Variants in HDLBP observed in about 807,000 individuals in gnomAD.
HDLBP encodes high density lipoprotein binding protein.
A neutral mutation model predicts 137.3 loss-of-function variants in HDLBP; 30 were observed. The ratio of observed to expected loss-of-function variants is 0.22; its 90% CI spans 0.16 to 0.30. The LOEUF is 0.30. Among genes scored for constraint, HDLBP ranks in the 10% least tolerant of loss-of-function variants. HDLBP has a pLI of 1.00. For missense variants in HDLBP, 1,119 were observed against 1,667.3 expected (o/e 0.67, Z 5.73); for synonymous variants, 606 against 596.0 (o/e 1.02, Z -0.24).
At chr2:241,296,683 C>G (rs866006968) in intron 1 of HDLBP, among the ~76,000 whole-genome samples, 1 of 152,084 alleles carries the variant, frequency 6.6e-6, no homozygotes, top group Non-Finnish European at 1.5e-5. Context: ...TTATGAGATC[C>G]GCAAAGATGA....
Position 241,247,108 on chromosome 2 carries a change from A to C in HDLBP, c.1766T>G (p.Phe589Cys). 1.2e-6 allele frequency: 2 copies of C among 1,613,490 alleles called. No homozygotes were observed. The highest frequency in any genetic ancestry group is 1.7e-6 in the Non-Finnish European group (2 of 1,179,366). Residue 589 changes from phenylalanine to cysteine, a missense_variant, in exon 15 of 28, where the codon TTC (phenylalanine) becomes TGC (cysteine). Transcript: ENST00000310931. Reference protein sequence around the residue: ...ENSYSISVPIFKQFHKNIIGK... With the variant: ...ENSYSISVPICKQFHKNIIGK... ...AATGATATTCTTGTGAAACTGTTTG[A>C]AGATCGGAACAGAAATTGAATAGCT...
chr2:241,249,445 G>C (rs1431324337), intron 12 of HDLBP: 2 of 481,872 alleles, frequency 4.2e-6, no homozygotes, highest in Non-Finnish European at 8.5e-6. Flanking sequence ...AGGTGGTAGA[G>C]AGCAACAGCC....
chr2:241,267,485 A>T, intron 2 of HDLBP: 1 of 1,241,276 alleles, frequency 8.1e-7, no homozygotes, highest in Non-Finnish European at 1.1e-6. Flanking sequence ...GGAACCTGCC[A>T]CCTGCCTGAC....
chr2:241,257,676 C>T (rs1010615806), intron 5 of HDLBP, among the ~76,000 whole-genome samples: 8 of 152,066 alleles, frequency 5.3e-5, no homozygotes, highest in South Asian at 2.1e-4. Context: ...AAGTAGATGG[C>T]GATCATCCCA....
At chr2:241,235,727 C>T in intron 21 of HDLBP, 133 bp from the exon 22 acceptor site, 1 of 624,122 alleles carries the variant, frequency 1.6e-6, no homozygotes, top group South Asian at 2.0e-5. Context: ...CCCGACAATG[C>T]CACCAGGACC....
At chr2:241,297,219 G>A (rs2075212190) in intron 1 of HDLBP, among the ~76,000 whole-genome samples, 2 of 152,226 alleles carry the variant, frequency 1.3e-5, no homozygotes, top group Admixed American at 6.5e-5. Context: ...GGTGGGTGGA[G>A]GTGCAGGATG....
At position 241,239,097 on chromosome 2, in the gene HDLBP, A is replaced by T. The variant is rs1019479069; in HGVS notation, c.2611-310T>A. 3.3e-5 allele frequency among the ~76,000 whole-genome samples: 5 copies of T among 152,114 alleles called. No individual in the cohort carries two copies. The highest frequency in any genetic ancestry group is 1.2e-4 in the African/African-American group (5 of 41,420). On this transcript the variant is annotated intron_variant, in intron 19 of 27. Coordinates refer to ENST00000310931, the MANE Select transcript of HDLBP (RefSeq NM_005336.6). The surrounding 1 kb of genome is among the most constrained non-coding windows in gnomAD (Gnocchi z 4.6). Reference sequence around the variant, plus strand: ...ACTCCATGAGGAGGCATCAGACTTGATTATTAGGGAAAGGGAATCCAAGGC... The same window carrying T: ...ACTCCATGAGGAGGCATCAGACTTGTTTATTAGGGAAAGGGAATCCAAGGC...
rs2074184916 is a variant in HDLBP at position 241,272,634 on chromosome 2, C to G, written c.-102-4093G>C. The G allele has an allele frequency of 3.1e-6, 3 of 971,882 alleles. No homozygotes were observed. The highest frequency in any genetic ancestry group is 9.5e-5 in the South Asian group (2 of 21,020). 60.2% of individuals were successfully genotyped at this position (971,882 alleles called of 1,614,324 possible). A position where few individuals can be genotyped will look rare whatever the true frequency, so the allele number is the denominator to read the frequency against. Reference sequence around the variant, plus strand: ...CAGCCTGGGGCCCGGGTGGGGGCCGCGGCACCCGGGCCCCTCCCCCTCCGC... The same window carrying G: ...CAGCCTGGGGCCCGGGTGGGGGCCGGGGCACCCGGGCCCCTCCCCCTCCGC... On this transcript the variant is annotated intron_variant, in intron 1 of 27. Coordinates refer to ENST00000310931, the MANE Select transcript of HDLBP (RefSeq NM_005336.6). The surrounding 1 kb of genome is among the most constrained non-coding windows in gnomAD (Gnocchi z 5.6).
rs6752296 is a variant in HDLBP at position 241,289,751 on chromosome 2, A to G, written c.-102-21210T>C. On this transcript the variant is annotated intron_variant, in intron 1 of 27. Transcript: ENST00000310931. ...AGAAGGAAGATCAGTAATGAGGGGA[A>G]GTAGGATCAGAATAGCAGAATGGCT... Among the ~76,000 whole-genome samples the G allele has an allele frequency of 8.7e-3, 1,318 of 152,294 alleles. 11 individuals carry two copies. The highest frequency in any genetic ancestry group is 0.029 in the African/African-American group (1,204 of 41,536).
intron 21 of HDLBP, 122 bp from the exon 22 acceptor site, chr2:241,235,716 A>C (rs1574852729): frequency 1.5e-6 from 1 of 650,496 alleles, no homozygotes; most frequent in Non-Finnish European, 2.8e-6. Flanking sequence ...AATGTGCCCC[A>C]CCCGACAATG....
intron 1 of HDLBP, among the ~76,000 whole-genome samples, chr2:241,302,213 G>A (rs908233534): frequency 3.3e-5 from 5 of 152,072 alleles, no homozygotes; most frequent in African/African-American, 1.2e-4. Context: ...AGCTATGATA[G>A]TGTCACTGTA....
intron 1 of HDLBP, among the ~76,000 whole-genome samples, chr2:241,275,383 T>C (rs1419642411): frequency 6.6e-6 from 1 of 151,760 alleles, no homozygotes; most frequent in African/African-American, 2.4e-5. Context: ...AAGGTGACAT[T>C]TTAGAAAAAA....
chr2:241,293,996 G>A (rs903127912), intron 1 of HDLBP, among the ~76,000 whole-genome samples: 1 of 150,878 alleles, frequency 6.6e-6, no homozygotes, highest in Non-Finnish European at 1.5e-5. Context: ...TTTGAAAAAA[G>A]CAATTGAAGA....
Position 241,242,639 on chromosome 2 carries a change from G to C in HDLBP, c.1990C>G (p.Leu664Val), listed in dbSNP as rs1238138959. Residue 664 changes from leucine (L) to valine (V), a missense_variant, in exon 17 of 28, where the codon CTG (leucine) becomes GTG (valine). Coordinates refer to ENST00000310931, the MANE Select transcript of HDLBP (RefSeq NM_005336.6). Reference sequence around the variant, plus strand: ...TTGGTGCCAATGAGGGAGTTGTGCAGCTTGGCAGGGATGGAGACCTCTACC... The same window carrying C: ...TTGGTGCCAATGAGGGAGTTGTGCACCTTGGCAGGGATGGAGACCTCTACC... ...AEVEVSIPAK[L>V]HNSLIGTKGR... 2 of 1,614,178 alleles carry C rather than the reference G, an allele frequency of 1.2e-6. No individual in the cohort carries two copies. The highest frequency in any genetic ancestry group is 3.3e-5 in the Admixed American group (2 of 60,016).
intron 1 of HDLBP, among the ~76,000 whole-genome samples, chr2:241,289,380 C>T (rs1446123541): frequency 6.6e-6 from 1 of 152,174 alleles, no homozygotes; most frequent in African/African-American, 2.4e-5. Flanking sequence ...TATAAAGACT[C>T]CCTAGAAACG....
chr2:241,281,540 T>C (rs140689840), intron 1 of HDLBP, among the ~76,000 whole-genome samples: 6 of 152,094 alleles, frequency 3.9e-5, no homozygotes, highest in Non-Finnish European at 7.4e-5. Flanking sequence ...AAAAAGAGGA[T>C]AGGACAAATG....
intron 21 of HDLBP, chr2:241,236,253 GCTAGGC>G: frequency 3.3e-6 from 1 of 304,774 alleles, no homozygotes; most frequent in Non-Finnish European, 6.2e-6. Context: ...CACAAGGTGA[GCTAGGC>G]CTGATAACCC....
At chr2:241,249,658 G>T (rs1031317490) in intron 12 of HDLBP, among the ~76,000 whole-genome samples, 183 bp downstream of exon 12, 2 of 152,264 alleles carry the variant, frequency 1.3e-5, no homozygotes, top group Non-Finnish European at 2.9e-5. Context: ...AGAACAAGAC[G>T]TGCAGGTGAC....
intron 1 of HDLBP, among the ~76,000 whole-genome samples, chr2:241,294,655 T>C (rs965707405): frequency 2.6e-5 from 4 of 152,156 alleles, no homozygotes; most frequent in Non-Finnish European, 4.4e-5. Context: ...GGTCCTGCTA[T>C]ATTGCCCAAG....
Sources: gnomAD v4.1 joint callset for allele counts (sites outside exome capture counted in the v4.1 genomes callset) on GRCh38, gnomAD v4.1.1 for gene constraint, Gnocchi (gnomAD v3.1) non-coding constraint, MANE v1.5 for transcripts, NCBI Gene and HGNC (gene_info 2026-07-23, HGNC 2026-07-21) for gene names.